MYO16: variants seen among roughly 807,000 people sequenced by gnomAD.
The protein encoded by MYO16 is unconventional myosin-XVI.
Under a neutral mutation model 205.3 loss-of-function variants are expected in MYO16, and 94 were observed. The ratio of observed to expected loss-of-function variants is 0.46; its 90% confidence interval spans 0.39 to 0.54. The LOEUF is 0.54. Ranked by LOEUF, MYO16 falls within the 20% of genes least tolerant of loss-of-function variation. MYO16 has a pLI of 0.00. For synonymous variants in MYO16, 988 were observed against 954.0 expected, an observed-to-expected ratio of 1.04 and a Z score of -0.66; for missense variants, 2,315 against 2,387.5, an observed-to-expected ratio of 0.97 and a Z score of 0.63.
intron 4 of MYO16, among the ~76,000 whole-genome samples, chr13:108,730,483 A>T (rs2139590431): frequency 6.6e-6 from 1 of 152,328 alleles, no homozygotes; most frequent in Admixed American, 6.5e-5. Flanking sequence ...CACTTAGACC[A>T]CCTTGAGCAC....
At position 109,162,366 on chromosome 13, in the gene MYO16, CCT is replaced by C. The variant is rs1878430313; in HGVS notation, c.5165-2531_5165-2530del. 6.6e-6 allele frequency among the ~76,000 whole-genome samples: 1 copy of C among 152,120 alleles called. No individual in the cohort carries two copies. The highest frequency in any genetic ancestry group is 2.4e-5 in the African/African-American group (1 of 41,420). ...AGCCCTCACTGCGCTGAGAATAAAA[CCT>C]CTCAGTTCCTCTTTGGTGGTTTCCC... On this transcript the variant is annotated intron_variant, in intron 32 of 34. Coordinates refer to ENST00000457511, the MANE Select transcript of MYO16 (RefSeq NM_001198950.3). This position sits in a 1 kb window ranked among gnomAD's most constrained non-coding sequence, Gnocchi z 4.6.
chr13:109,015,891 G>T (rs1885796418), intron 22 of MYO16, among the ~76,000 whole-genome samples: 1 of 151,754 alleles, frequency 6.6e-6, no homozygotes, highest in Non-Finnish European at 1.5e-5. Flanking sequence ...TATCAATTTT[G>T]TTGATCTTTT....
chr13:109,151,180 C>G (rs1028308597), intron 32 of MYO16, among the ~76,000 whole-genome samples: 3 of 152,142 alleles, frequency 2.0e-5, no homozygotes, highest in Middle Eastern at 6.3e-3. Flanking sequence ...TTCACGCCAT[C>G]GAGAGTGAGC....
At chr13:109,040,385 CAGAGAGAGAGAGAG>C (rs146955371) in intron 23 of MYO16, among the ~76,000 whole-genome samples, 2 of 113,216 alleles carry the variant, frequency 1.8e-5, no homozygotes, top group South Asian at 3.6e-4. Context: ...CACACACACA[CAGAGAGAGAGAGAG>C]AGAGAGAGAG....
At chr13:108,621,596 C>T (rs534836596) in intron 1 of MYO16, among the ~76,000 whole-genome samples, 5 of 152,216 alleles carry the variant, frequency 3.3e-5, no homozygotes, top group Non-Finnish European at 5.9e-5. Flanking sequence ...TCATCCACGT[C>T]GTCTACTCCT....
intron 13 of MYO16, among the ~76,000 whole-genome samples, chr13:108,886,988 T>G (rs1879930068): frequency 6.6e-6 from 1 of 152,178 alleles, no homozygotes; most frequent in Admixed American, 6.5e-5. Context: ...GCTTTCTCCA[T>G]TTTTACGAAT....
At chr13:108,959,790 G>C (rs550546131) in intron 17 of MYO16, among the ~76,000 whole-genome samples, 4 of 152,242 alleles carry the variant, frequency 2.6e-5, no homozygotes, top group African/African-American at 9.6e-5. Flanking sequence ...CCTCCTTTCT[G>C]CTCAGGAAGG....
intron 12 of MYO16, among the ~76,000 whole-genome samples, chr13:108,874,995 T>C (rs1879258311): frequency 6.6e-6 from 1 of 152,072 alleles, no homozygotes; most frequent in Admixed American, 6.5e-5. Flanking sequence ...CTTTAGAAAT[T>C]AACATGGCAG....
At chr13:108,740,456 G>A (rs1227789534) in intron 4 of MYO16, among the ~76,000 whole-genome samples, 1 of 152,122 alleles carries the variant, frequency 6.6e-6, no homozygotes, top group Non-Finnish European at 1.5e-5. Flanking sequence ...AGTGAATATT[G>A]CTGAACAGCA....
chr13:108,803,980 G>A (rs532708309), intron 6 of MYO16, among the ~76,000 whole-genome samples: 1 of 152,174 alleles, frequency 6.6e-6, no homozygotes, highest in Non-Finnish European at 1.5e-5. Flanking sequence ...TGTATTAGGA[G>A]CCTCAGTATG....
At chr13:108,878,816 GCA>G (rs1286417749) in intron 12 of MYO16, among the ~76,000 whole-genome samples, 1 of 152,202 alleles carries the variant, frequency 6.6e-6, no homozygotes, top group Non-Finnish European at 1.5e-5. Flanking sequence ...AGGGGTTTGA[GCA>G]CACACAGTGG....
At chr13:109,010,952 TA>T (rs1885569813) in intron 22 of MYO16, among the ~76,000 whole-genome samples, 1 of 131,970 alleles carries the variant, frequency 7.6e-6, no homozygotes, top group Admixed American at 7.6e-5. Flanking sequence ...ATATTACATA[TA>T]ATATTATATA....
At chr13:109,048,363 A>G in intron 24 of MYO16, 2 of 759,592 alleles carry the variant, frequency 2.6e-6, no homozygotes, top group Non-Finnish European at 2.4e-6. Context: ...GAGCAAAAGG[A>G]CAGAATTTAC....
In MYO16 at chr13:108,930,719, A is replaced by C. The variant is rs186009797; in HGVS notation, c.1925+20569A>C. On this transcript the variant is annotated intron_variant, in intron 16 of 34. Transcript: ENST00000457511. ...CTCAAGTTTTAATCAACATAAGAAA[A>C]GAAATGAAATGAATAAAAATTACCA... Among the ~76,000 whole-genome samples, 554 of 152,312 alleles carry C rather than the reference A, an allele frequency of 3.6e-3. 5 individuals are homozygous for C. Among genetic ancestry groups the C allele is most frequent in the African/African-American group, 0.013 (529 of 41,578 alleles).
chr13:109,073,586 T>C (rs527271691), intron 27 of MYO16, among the ~76,000 whole-genome samples: 15 of 152,310 alleles, frequency 9.8e-5, no homozygotes, highest in African/African-American at 3.6e-4. Context: ...AATAGACAAG[T>C]ACCTGCTGAT....
intron 1 of MYO16, among the ~76,000 whole-genome samples, chr13:108,623,722 C>G (rs1879625071): frequency 6.6e-6 from 1 of 152,124 alleles, no homozygotes. Context: ...CTGGCTCTCC[C>G]TTTGTTGATC....
At chr13:109,172,230 C>G (rs1878952473) in intron 33 of MYO16, among the ~76,000 whole-genome samples, 1 of 152,062 alleles carries the variant, frequency 6.6e-6, no homozygotes, top group Non-Finnish European at 1.5e-5. Context: ...GGAACGCATA[C>G]CCTTGTCTGA....
chr13:109,000,953 C>T (rs919798934), intron 21 of MYO16, among the ~76,000 whole-genome samples: 1 of 151,408 alleles, frequency 6.6e-6, no homozygotes, highest in Non-Finnish European at 1.5e-5. Flanking sequence ...TGAATTAAAC[C>T]CATCAAAATA....
the MYO16 span, among the ~76,000 whole-genome samples, chr13:108,587,793 A>G: frequency 6.6e-6 from 1 of 152,180 alleles, no homozygotes; most frequent in African/African-American, 2.4e-5. Flanking sequence ...ACACCAGCTT[A>G]TTATAGCCAT....
Sources: allele counts gnomAD v4.1 joint callset (sites outside exome capture counted in the v4.1 genomes callset), GRCh38; gene constraint gnomAD v4.1.1; non-coding constraint Gnocchi (gnomAD v3.1); transcripts MANE v1.5; gene names NCBI Gene and HGNC (gene_info 2026-07-23, HGNC 2026-07-21).